RBFOX1: variants seen among roughly 807,000 people sequenced by gnomAD.
The protein encoded by RBFOX1 is RNA binding fox-1 homolog 1.
RBFOX1 carries 8 observed loss-of-function variants against 57.7 expected under a neutral mutation model. The observed-to-expected ratio is 0.14, with a 90% CI of 0.08 to 0.25. RBFOX1 has a LOEUF of 0.25. RBFOX1 is among the 10% of genes least tolerant of loss of function. RBFOX1 has a pLI of 1.00. For missense variants in RBFOX1, 611 were observed against 548.5 expected (o/e 1.11, Z -1.14); for synonymous variants, 326 against 222.4 (o/e 1.47, Z -4.15).
intron 3 of RBFOX1, among the ~76,000 whole-genome samples, chr16:6,906,067 C>T (rs1325742721): frequency 6.6e-6 from 1 of 152,120 alleles, no homozygotes; most frequent in Non-Finnish European, 1.5e-5. Context: ...CTCATCTCCA[C>T]CTGATACTTT....
chr16:5,800,080 C>G (rs1017836608), intron 3 of RBFOX1, among the ~76,000 whole-genome samples: 3 of 151,436 alleles, frequency 2.0e-5, no homozygotes, highest in Non-Finnish European at 2.9e-5. Flanking sequence ...TATACATGTC[C>G]TACTTATAGA....
intron 2 of RBFOX1, among the ~76,000 whole-genome samples, chr16:6,515,399 A>T (rs969462515): frequency 2.0e-5 from 3 of 152,172 alleles, no homozygotes; most frequent in Non-Finnish European, 2.9e-5. Flanking sequence ...AACCAAACAT[A>T]TGAGCCTGAG....
chr16:6,936,649 A>T (rs377462960), intron 3 of RBFOX1, among the ~76,000 whole-genome samples: 24 of 152,218 alleles, frequency 1.6e-4, no homozygotes, highest in African/African-American at 5.5e-4. Flanking sequence ...AATTATGACT[A>T]TGACCGCTAT....
In RBFOX1 at chr16:7,712,568, G is replaced by A. The variant is rs527531430; in HGVS notation, c.*1823G>A. On this transcript the variant is annotated 3_prime_UTR_variant, in exon 16 of 16. Transcript: ENST00000550418. Reference sequence around the variant, plus strand: ...TCTTGAAAAGAGAAAAGGGGGAGGGGGGAGCTACTTATCAGCCAAAAGCAT... The same window carrying A: ...TCTTGAAAAGAGAAAAGGGGGAGGGAGGAGCTACTTATCAGCCAAAAGCAT... 1 of 152,502 alleles carries A rather than the reference G, an allele frequency of 6.6e-6. No individual in the cohort carries two copies. The highest frequency in any genetic ancestry group is 2.4e-5 in the African/African-American group (1 of 41,398). The allele number at this position is 152,502 out of a possible 1,614,324, so 9.4% of individuals were successfully genotyped here.
chr16:7,173,409 A>C (rs949530015), intron 4 of RBFOX1, among the ~76,000 whole-genome samples: 1 of 152,190 alleles, frequency 6.6e-6, no homozygotes, highest in Admixed American at 6.5e-5. Flanking sequence ...AACAGGGTAT[A>C]CGTATATATC....
intron 4 of RBFOX1, among the ~76,000 whole-genome samples, chr16:7,292,833 G>C (rs114452505): frequency 1.3e-5 from 2 of 152,034 alleles, no homozygotes; most frequent in African/African-American, 2.4e-5. Context: ...GTAATGGAGC[G>C]TACAGGTTTG....
At chr16:5,959,637 TTAAGGATGTG>T (rs1175310638) in intron 4 of RBFOX1, among the ~76,000 whole-genome samples, 1 of 152,256 alleles carries the variant, frequency 6.6e-6, no homozygotes, top group African/African-American at 2.4e-5. Flanking sequence ...GGATTGAATT[TTAAGGATGTG>T]TAAGGAATGA....
chr16:5,457,274 A>G (rs568707683), intron 1 of RBFOX1, among the ~76,000 whole-genome samples: 11 of 152,278 alleles, frequency 7.2e-5, no homozygotes, highest in Non-Finnish European at 1.5e-4. Flanking sequence ...AACTGGGACT[A>G]TAGGCATGCA....
At chr16:7,616,662 G>C (rs55997507) in intron 10 of RBFOX1, among the ~76,000 whole-genome samples, 81,816 of 151,922 alleles carry the variant, frequency 0.54, 23,955 homozygotes, top group East Asian at 0.83. Context: ...CTCCCAGGTA[G>C]CTGGGATTAC....
At chr16:6,895,442 G>C (rs368182935) in intron 3 of RBFOX1, among the ~76,000 whole-genome samples, 1 of 78,664 alleles carries the variant, frequency 1.3e-5, no homozygotes, top group African/African-American at 5.0e-5. Flanking sequence ...GTGTGTGTGT[G>C]TGTGTGTATA....
chr16:7,419,176 G>C (rs1347116832), intron 4 of RBFOX1, among the ~76,000 whole-genome samples: 4 of 152,148 alleles, frequency 2.6e-5, no homozygotes, highest in Non-Finnish European at 5.9e-5. Context: ...CCAAAGTGCT[G>C]GGATTACAAG....
chr16:5,658,600 A>G (rs1348306632), intron 3 of RBFOX1, among the ~76,000 whole-genome samples: 1 of 151,988 alleles, frequency 6.6e-6, no homozygotes, highest in Non-Finnish European at 1.5e-5. Flanking sequence ...GTGAGAAGAT[A>G]CTATGTTTGG....
At chr16:6,772,319 G>T (rs1047269794) in intron 3 of RBFOX1, among the ~76,000 whole-genome samples, 2 of 152,144 alleles carry the variant, frequency 1.3e-5, no homozygotes, top group Non-Finnish European at 2.9e-5. Context: ...AGGATCGATT[G>T]TGCTCAAACA....
intron 3 of RBFOX1, among the ~76,000 whole-genome samples, chr16:5,835,012 A>G (rs1270351271): frequency 6.6e-6 from 1 of 152,110 alleles, no homozygotes; most frequent in African/African-American, 2.4e-5. Context: ...CCCACTCACC[A>G]TGGCCGTTTT....
chr16:7,413,709 T>A (rs1202923180), intron 4 of RBFOX1, among the ~76,000 whole-genome samples: 1 of 152,070 alleles, frequency 6.6e-6, no homozygotes, highest in African/African-American at 2.4e-5. Context: ...CAGAAATGGA[T>A]AGGATTCAAA....
At chr16:5,673,139 C>T (rs1372943943) in intron 3 of RBFOX1, among the ~76,000 whole-genome samples, 1 of 151,986 alleles carries the variant, frequency 6.6e-6, no homozygotes, top group Non-Finnish European at 1.5e-5. Flanking sequence ...CTGACACACA[C>T]AAGCCTTATA....
chr16:6,330,385 C>T lies in RBFOX1; in HGVS notation c.-64+13328C>T, dbSNP rs182429095. On this transcript the variant is annotated intron_variant, in intron 2 of 15. Coordinates refer to ENST00000550418, the MANE Select transcript of RBFOX1 (RefSeq NM_018723.4). The stretch of plus-strand genomic sequence containing the variant: ...CCAAGAAGCCTTGCACAGCAGCTCT[C>T]GTAGTACTGAGCTCAAAGTCACTGA... Among the ~76,000 whole-genome samples the T allele has an allele frequency of 6.5e-4, 99 of 152,288 alleles. No individual in the cohort carries two copies. In the Middle Eastern group the frequency reaches 0.024, roughly 37 times the overall value.
chr16:5,527,398 T>C (rs1224219656), intron 2 of RBFOX1, among the ~76,000 whole-genome samples: 1 of 152,204 alleles, frequency 6.6e-6, no homozygotes, highest in Non-Finnish European at 1.5e-5. Flanking sequence ...ACCGGCTTAA[T>C]GCAGGTGAGG....
intron 3 of RBFOX1, among the ~76,000 whole-genome samples, chr16:7,041,169 C>T (rs192148167): frequency 2.0e-5 from 3 of 147,344 alleles, no homozygotes; most frequent in African/African-American, 7.5e-5. Flanking sequence ...CATCTGACCT[C>T]ATGATCCACC....
Sources: allele counts gnomAD v4.1 joint callset (sites outside exome capture counted in the v4.1 genomes callset), GRCh38; gene constraint gnomAD v4.1.1; transcripts MANE v1.5; gene names NCBI Gene and HGNC (gene_info 2026-07-23, HGNC 2026-07-21).